Variants in CBFB observed in about 807,000 individuals in gnomAD.
The protein encoded by CBFB is core-binding factor subunit beta.
A neutral mutation model predicts 30.4 loss-of-function variants in CBFB; 9 were observed. That is an observed-to-expected ratio of 0.30 (90% CI 0.18 to 0.52). The LOEUF (loss-of-function observed/expected upper bound fraction) is 0.52, where lower values mean the gene tolerates loss of function less well. Among genes scored for constraint, CBFB ranks in the 20% least tolerant of loss-of-function variants. The probability of loss-of-function intolerance (pLI) is 0.97; values close to 1 mark genes in which losing one functional copy is unlikely to be tolerated. For missense variants in CBFB, 170 were observed against 244.0 expected, an observed-to-expected ratio of 0.70 and a Z score of 2.02; for synonymous variants, 94 against 84.0, an observed-to-expected ratio of 1.12 and a Z score of -0.65.
chr16:67,037,759 C>G (rs753118207), intron 3 of CBFB, among the ~76,000 whole-genome samples: 9 of 150,946 alleles, frequency 6.0e-5, no homozygotes, highest in Admixed American at 1.3e-4. Flanking sequence ...CCTCCACCTC[C>G]TGGGTTTTAA....
chr16:67,043,545 G>C (rs923228886), intron 3 of CBFB, among the ~76,000 whole-genome samples: 7 of 152,138 alleles, frequency 4.6e-5, no homozygotes, highest in Admixed American at 1.3e-4. Context: ...CAGGTACCTG[G>C]TGAGCTGTCT....
chr16:67,035,403 ATGT>A (rs1966426581), intron 2 of CBFB, among the ~76,000 whole-genome samples: 1 of 152,132 alleles, frequency 6.6e-6, no homozygotes, highest in South Asian at 2.1e-4. Flanking sequence ...TTTTAAAATG[ATGT>A]TGTAATATTG....
At chr16:67,030,607 A>C (rs1173818997) in intron 2 of CBFB, among the ~76,000 whole-genome samples, 1 of 152,052 alleles carries the variant, frequency 6.6e-6, no homozygotes, top group Non-Finnish European at 1.5e-5. Flanking sequence ...GTTGATTATT[A>C]CTATTTTTTT....
chr16:67,032,429 C>T (rs556229121), intron 2 of CBFB, among the ~76,000 whole-genome samples: 1 of 152,224 alleles, frequency 6.6e-6, no homozygotes, highest in South Asian at 2.1e-4. Flanking sequence ...GAGGTTTGCA[C>T]TTAAGACGGC....
chr16:67,047,469 A>G (rs8050887), intron 3 of CBFB, among the ~76,000 whole-genome samples: 16,929 of 152,150 alleles, frequency 0.11, 1,861 homozygotes, highest in African/African-American at 0.28. Flanking sequence ...AGATGTAAAG[A>G]CAGGTTAATC....
rs115476467 is a variant in CBFB, at chr16:67,088,571, G to A, written c.495+6263G>A. 6.1e-3 allele frequency among the ~76,000 whole-genome samples: 934 copies of A among 152,330 alleles called. 11 individuals carry two copies. The highest frequency in any genetic ancestry group is 0.021 in the African/African-American group (858 of 41,578). ...CCACACCACCCGTAAAGATGCTTAA[G>A]CTGAAAAATAAAATCTGCCAGGAGA... On this transcript the variant is annotated intron_variant, in intron 5 of 5. Transcript: ENST00000412916.
chr16:67,035,148 C>T (rs1316610551), intron 2 of CBFB, among the ~76,000 whole-genome samples: 6 of 151,938 alleles, frequency 3.9e-5, no homozygotes, highest in Non-Finnish European at 8.8e-5. Flanking sequence ...GGTGCAATCT[C>T]GGCTGACTGC....
intron 5 of CBFB, among the ~76,000 whole-genome samples, chr16:67,085,673 CTTT>C (rs764788080): frequency 2.6e-5 from 3 of 115,468 alleles, no homozygotes; most frequent in African/African-American, 3.4e-5. Context: ...AATTTAGTAT[CTTT>C]TTTTTTTTTT....
chr16:67,094,626 G>C (rs1961987415), intron 5 of CBFB, among the ~76,000 whole-genome samples: 1 of 152,054 alleles, frequency 6.6e-6, no homozygotes, highest in Non-Finnish European at 1.5e-5. Context: ...ATATAATTAG[G>C]ATTTATTTTT....
Position 67,099,544 on chromosome 16 carries a change from T to G in CBFB, c.*766T>G, listed in dbSNP as rs145318205. On this transcript the variant is annotated 3_prime_UTR_variant, in exon 6 of 6. Coordinates refer to ENST00000412916, the MANE Select transcript of CBFB (RefSeq NM_022845.3). The stretch of plus-strand genomic sequence containing the variant: ...ACTGGGATTACAGGCTCTTTCTTTT[T>G]AAACATAAAAGTTTTAAATTGGTAT... The G allele has an allele frequency of 1.5e-5, 3 of 201,280 alleles. No homozygotes were observed. The highest frequency in any genetic ancestry group is 6.9e-5 in the African/African-American group (3 of 43,646). 12.5% of individuals were successfully genotyped at this position (201,280 alleles called of 1,614,324 possible).
Position 67,067,324 on chromosome 16 carries a change from C to T in CBFB, c.399+526C>T, listed in dbSNP as rs1246001698. Among the ~76,000 whole-genome samples the T allele has an allele frequency of 2.6e-5, 4 of 151,928 alleles. No homozygotes were observed. In the East Asian group the frequency reaches 7.7e-4, roughly 29 times the overall value. On this transcript the variant is annotated intron_variant, in intron 4 of 5. Transcript: ENST00000412916. ...CTTGAGGTCAGGATTTCGAGACCAG[C>T]CTGGCCATCATGATGAAACCCCATC...
chr16:67,094,113 CCCT>C (rs1195274947), intron 5 of CBFB, among the ~76,000 whole-genome samples: 1 of 148,378 alleles, frequency 6.7e-6, no homozygotes, highest in Non-Finnish European at 1.5e-5. Context: ...TAGACTTCCT[CCCT>C]CTTTTTTTTT....
rs1232344213 is a variant in CBFB, at chr16:67,082,403, AG to A, written c.495+96del. The stretch of plus-strand genomic sequence containing the variant: ...ATGTTTGTGCATAATGCTTTTTAAT[AG>A]TTTAATTTTGTCTTTCATTTTTAAA... On this transcript the variant is annotated intron_variant, in intron 5 of 5. Transcript: ENST00000412916. 4.9e-6 allele frequency: 7 copies of A among 1,428,702 alleles called. No individual in the cohort carries two copies. In the African/African-American group the frequency reaches 1.0e-4, roughly 20 times the overall value. The allele number at this position is 1,428,702 out of a possible 1,614,324, so 88.5% of individuals were successfully genotyped here. A position where few individuals can be genotyped will look rare whatever the true frequency, so the allele number is the denominator to read the frequency against.
intron 2 of CBFB, among the ~76,000 whole-genome samples, chr16:67,036,225 G>A (rs1966438206): frequency 6.6e-6 from 1 of 152,130 alleles, no homozygotes; most frequent in Admixed American, 6.5e-5. Context: ...GAAAATTAAA[G>A]TGTCTCATTT....
chr16:67,078,831 T>G (rs888740216), intron 4 of CBFB, among the ~76,000 whole-genome samples: 12 of 152,032 alleles, frequency 7.9e-5, no homozygotes, highest in Admixed American at 2.6e-4. Context: ...TTGTATTTGT[T>G]TTTTAGTAGA....
chr16:67,053,742 T>G (rs34968486), intron 3 of CBFB, among the ~76,000 whole-genome samples: 123 of 151,904 alleles, frequency 8.1e-4, no homozygotes, highest in African/African-American at 2.9e-3. Flanking sequence ...ACTGAAACCA[T>G]TGCTCACCGT....
intron 4 of CBFB, among the ~76,000 whole-genome samples, chr16:67,071,309 T>C (rs1220998502): frequency 6.6e-6 from 1 of 152,160 alleles, no homozygotes; most frequent in African/African-American, 2.4e-5. Context: ...CTCCCGTTGT[T>C]ACTGTACTTG....
At chr16:67,070,454 TAATA>T (rs1264797107) in intron 4 of CBFB, among the ~76,000 whole-genome samples, 5 of 152,080 alleles carry the variant, frequency 3.3e-5, no homozygotes, top group Non-Finnish European at 5.9e-5. Context: ...TTCAGAAAAA[TAATA>T]AATAACCAGC....
chr16:67,091,253 C>T (rs1330660156), intron 5 of CBFB, among the ~76,000 whole-genome samples: 1 of 152,114 alleles, frequency 6.6e-6, no homozygotes, highest in African/African-American at 2.4e-5. Context: ...TTTGTTTTAG[C>T]CTTGTTTTAG....
Sources: allele counts gnomAD v4.1 joint callset (sites outside exome capture counted in the v4.1 genomes callset), GRCh38; gene constraint gnomAD v4.1.1; transcripts MANE v1.5; gene names NCBI Gene and HGNC (gene_info 2026-07-23, HGNC 2026-07-21).